CSTPP1: variants seen among roughly 807,000 people sequenced by gnomAD.
CSTPP1 encodes the protein UPF0705 protein C11orf49.
At chr11:47,012,575 A>C in the CSTPP1 span, among the ~76,000 whole-genome samples, 6 of 152,126 alleles carry the variant, frequency 3.9e-5, no homozygotes, top group African/African-American at 1.2e-4. Flanking sequence ...AAAGGAAGAG[A>C]AAAAAGAAAA....
the CSTPP1 span, chr11:47,162,214 G>T: frequency 9.1e-6 from 9 of 985,494 alleles, no homozygotes; most frequent in East Asian, 1.0e-3. Context: ...AAACAAACAT[G>T]TGAAACGAAT....
chr11:46,979,240 G>A, the CSTPP1 span, among the ~76,000 whole-genome samples: 1 of 152,104 alleles, frequency 6.6e-6, no homozygotes. Flanking sequence ...GCATCACCAT[G>A]CCCGGCTGCA....
At chr11:47,152,342 C>G in the CSTPP1 span, among the ~76,000 whole-genome samples, 1 of 152,172 alleles carries the variant, frequency 6.6e-6, no homozygotes, top group African/African-American at 2.4e-5. Context: ...TGTGCGCCCC[C>G]TCTTCTGCAA....
the CSTPP1 span, among the ~76,000 whole-genome samples, chr11:47,009,366 A>G: frequency 1.3e-5 from 2 of 152,258 alleles, no homozygotes; most frequent in African/African-American, 4.8e-5. Flanking sequence ...AGTAGAAAAT[A>G]TCATACACTG....
chr11:46,987,272 T>C, the CSTPP1 span: 1 of 1,614,160 alleles, frequency 6.2e-7, no homozygotes, highest in Non-Finnish European at 8.5e-7. Context: ...ACAGGGAAGA[T>C]ATTAGCCAAT....
At chr11:46,980,199 A>G in the CSTPP1 span, among the ~76,000 whole-genome samples, 3 of 152,196 alleles carry the variant, frequency 2.0e-5, no homozygotes, top group African/African-American at 7.2e-5. Context: ...AACCAGTACA[A>G]TACCCCTTTT....
At chr11:47,161,517 G>A in the CSTPP1 span, 1 of 1,614,154 alleles carries the variant, frequency 6.2e-7, no homozygotes, top group Non-Finnish European at 8.5e-7. Flanking sequence ...CCAGAGGCCA[G>A]TTGCCTGCCT....
chr11:47,071,637 G>T, the CSTPP1 span, among the ~76,000 whole-genome samples: 2 of 152,126 alleles, frequency 1.3e-5, no homozygotes, highest in Admixed American at 1.3e-4. Flanking sequence ...AATGCCTGCT[G>T]GGTCGTGCTT....
At chr11:47,114,508 G>C in the CSTPP1 span, among the ~76,000 whole-genome samples, 1 of 152,224 alleles carries the variant, frequency 6.6e-6, no homozygotes, top group Middle Eastern at 3.4e-3. Flanking sequence ...TTATTTCGTT[G>C]AGCAGTGGTT....
At chr11:47,091,623 AGGCTGAATAAT>A in the CSTPP1 span, among the ~76,000 whole-genome samples, 2 of 152,152 alleles carry the variant, frequency 1.3e-5, no homozygotes, top group Non-Finnish European at 2.9e-5. Flanking sequence ...ACCCTGTGGG[AGGCTGAATAAT>A]GGCCCTAAAG....
At chr11:47,045,845 G>T in the CSTPP1 span, among the ~76,000 whole-genome samples, 2 of 151,692 alleles carry the variant, frequency 1.3e-5, no homozygotes, top group African/African-American at 2.4e-5. Context: ...GGAGTGCAGT[G>T]GTGCCATCTA....
At chr11:46,981,396 TG>T in the CSTPP1 span, among the ~76,000 whole-genome samples, 4 of 152,152 alleles carry the variant, frequency 2.6e-5, no homozygotes, top group African/African-American at 4.8e-5. Flanking sequence ...TTGTTATCTA[TG>T]GGAACTGGAA....
the CSTPP1 span, among the ~76,000 whole-genome samples, chr11:47,007,401 C>T: frequency 2.0e-5 from 3 of 152,132 alleles, no homozygotes; most frequent in Non-Finnish European, 4.4e-5. Context: ...TTAATTCTCT[C>T]TTCATTTCTG....
chr11:47,055,317 GCCTTCCTTCCTTCGTT>G, the CSTPP1 span, among the ~76,000 whole-genome samples: 1 of 150,020 alleles, frequency 6.7e-6, no homozygotes, highest in Non-Finnish European at 1.5e-5. Flanking sequence ...CTTCTTTCTT[GCCTTCCTTCCTTCGTT>G]CCTTCCTTCC....
chr11:47,055,130 G>T, the CSTPP1 span, among the ~76,000 whole-genome samples: 70 of 151,440 alleles, frequency 4.6e-4, 1 homozygote, highest in Non-Finnish European at 8.8e-5. Flanking sequence ...TTGGGGTTTC[G>T]CTATGTTATC....
At chr11:47,030,600 A>G in the CSTPP1 span, among the ~76,000 whole-genome samples, 2 of 152,092 alleles carry the variant, frequency 1.3e-5, no homozygotes, top group Non-Finnish European at 2.9e-5. Flanking sequence ...GGTTTGTGGT[A>G]CAGATTATTT....
At chr11:47,103,840 A>C in the CSTPP1 span, 2 of 151,494 alleles carry the variant, frequency 1.3e-5, no homozygotes, top group African/African-American at 4.9e-5. Flanking sequence ...ACGCCCTGCT[A>C]ATTTTTTTTT....
At chr11:47,047,054 C>G in the CSTPP1 span, among the ~76,000 whole-genome samples, 4 of 151,950 alleles carry the variant, frequency 2.6e-5, no homozygotes, top group Non-Finnish European at 5.9e-5. Flanking sequence ...GTGCCCGCCA[C>G]CACACCTGGC....
At chr11:46,938,384 T>C in the CSTPP1 span, among the ~76,000 whole-genome samples, 2 of 149,566 alleles carry the variant, frequency 1.3e-5, no homozygotes, top group Non-Finnish European at 3.0e-5. Flanking sequence ...ATACATATTA[T>C]TAACTAAAGT....
Sources: gnomAD v4.1 joint callset for allele counts (sites outside exome capture counted in the v4.1 genomes callset) on GRCh38, gnomAD v4.1.1 for gene constraint, MANE v1.5 for transcripts, NCBI Gene and HGNC (gene_info 2026-07-23, HGNC 2026-07-21) for gene names.